The following GREB1L variants were observed in gnomAD, a reference collection of about 807,000 sequenced individuals.
GREB1L encodes GREB1-like protein.
GREB1L carries 17 observed loss-of-function variants against 200.8 expected under a neutral mutation model. That is an observed-to-expected ratio of 0.08 (90% CI 0.06 to 0.13). GREB1L has a LOEUF of 0.13. Ranked by LOEUF, GREB1L falls within the 10% of genes least tolerant of loss-of-function variation. The pLI is 1.00. For missense variants in GREB1L, 1,657 were observed against 2,367.7 expected, an observed-to-expected ratio of 0.70 and a Z score of 6.23; for synonymous variants, 789 against 893.0, an observed-to-expected ratio of 0.88 and a Z score of 2.08.
In GREB1L at chr18:21,525,709, G is replaced by GTGTC. The variant is rs1291488093; in HGVS notation, c.*2890_*2893dup. On this transcript the variant is annotated 3_prime_UTR_variant, in exon 33 of 33. Coordinates refer to ENST00000424526, the MANE Select transcript of GREB1L (RefSeq NM_001142966.3). ...TTAAAACTTCTCAAACTTTTTGAGA[G>GTGTC]TGTCTCAAAGTTGCTAGAACTATGT... Among the ~76,000 whole-genome samples, 2 of 152,200 alleles carry GTGTC rather than the reference G, an allele frequency of 1.3e-5. No individual in the cohort carries two copies. Among genetic ancestry groups the GTGTC allele is most frequent in the African/African-American group, 4.8e-5 (2 of 41,460 alleles).
intron 15 of GREB1L, among the ~76,000 whole-genome samples, chr18:21,458,548 CTGAAAGTAAAAGGA>C (rs1233214783): frequency 6.6e-6 from 1 of 152,134 alleles, no homozygotes; most frequent in East Asian, 1.9e-4. Context: ...GCCTGCATGG[CTGAAAGTAAAAGGA>C]TGAAAATAGA....
chr18:21,273,601 G>A (rs1184389472), intron 1 of GREB1L, among the ~76,000 whole-genome samples: 1 of 152,126 alleles, frequency 6.6e-6, no homozygotes, highest in Non-Finnish European at 1.5e-5. Context: ...TTGGGATGAG[G>A]GCTAGAAAAG....
At chr18:21,497,644 C>CA (rs1049875160) in intron 21 of GREB1L, among the ~76,000 whole-genome samples, 4 of 122,420 alleles carry the variant, frequency 3.3e-5, no homozygotes, top group South Asian at 2.6e-4. Context: ...AACTCTGTCT[C>CA]AAAAAAAAAG....
At chr18:21,257,516 A>G (rs73959822) in intron 1 of GREB1L, among the ~76,000 whole-genome samples, 1,564 of 152,274 alleles carry the variant, frequency 0.01, 30 homozygotes, top group African/African-American at 0.035. Flanking sequence ...GAGTCTGTAA[A>G]TGTGTGTCTG....
chr18:21,277,594 A>T (rs1259986580), intron 1 of GREB1L, among the ~76,000 whole-genome samples: 1 of 152,060 alleles, frequency 6.6e-6, no homozygotes, highest in African/African-American at 2.4e-5. Context: ...TGATTTGTAA[A>T]TCTCTAGTCC....
intron 1 of GREB1L, among the ~76,000 whole-genome samples, chr18:21,339,870 A>G (rs945360955): frequency 1.1e-4 from 16 of 152,220 alleles, no homozygotes; most frequent in Non-Finnish European, 2.1e-4. Flanking sequence ...AACCTACAAC[A>G]ATACAATTAT....
At chr18:21,424,162 A>G (rs777671432) in intron 7 of GREB1L, among the ~76,000 whole-genome samples, 1 of 152,176 alleles carries the variant, frequency 6.6e-6, no homozygotes, top group Non-Finnish European at 1.5e-5. Flanking sequence ...CGCTTACTAC[A>G]ATGTTTTTCT....
chr18:21,302,292 G>A (rs1235242858), intron 1 of GREB1L, among the ~76,000 whole-genome samples: 1 of 152,142 alleles, frequency 6.6e-6, no homozygotes, highest in African/African-American at 2.4e-5. Context: ...TGGAGGAGGT[G>A]GGGGTTCCAC....
intron 14 of GREB1L, among the ~76,000 whole-genome samples, chr18:21,452,785 A>G (rs1172992811): frequency 6.6e-6 from 1 of 152,224 alleles, no homozygotes; most frequent in African/African-American, 2.4e-5. Flanking sequence ...TTCTTCCCCA[A>G]TTCACTGATT....
intron 2 of GREB1L, among the ~76,000 whole-genome samples, chr18:21,369,451 G>A (rs2039791925): frequency 6.6e-6 from 1 of 152,098 alleles, no homozygotes; most frequent in Admixed American, 6.6e-5. Context: ...CTTGACAAGA[G>A]GTGTTTATTT....
intron 1 of GREB1L, among the ~76,000 whole-genome samples, chr18:21,254,972 A>G (rs1241048721): frequency 3.4e-4 from 51 of 152,158 alleles, no homozygotes; most frequent in Admixed American, 3.3e-3. Flanking sequence ...ACCATAACTG[A>G]TGTAGAATAT....
intron 30 of GREB1L, 121 bp downstream of exon 30, chr18:21,516,875 G>T (rs1194740587): frequency 8.7e-6 from 6 of 693,484 alleles, no homozygotes; most frequent in African/African-American, 3.7e-5. Context: ...TAACACAAGG[G>T]AGTTTTTTTT....
At chr18:21,257,037 A>T (rs1010721868) in intron 1 of GREB1L, among the ~76,000 whole-genome samples, 3 of 151,766 alleles carry the variant, frequency 2.0e-5, no homozygotes, top group Non-Finnish European at 4.4e-5. Flanking sequence ...ACTCTCAGGA[A>T]ATGTTAGTTA....
intron 15 of GREB1L, among the ~76,000 whole-genome samples, chr18:21,470,687 G>T (rs1444148572): frequency 6.6e-6 from 1 of 151,854 alleles, no homozygotes; most frequent in Non-Finnish European, 1.5e-5. Context: ...TTTCTTTGTA[G>T]TTATAAGCCA....
chr18:21,330,287 T>C (rs1392600909), intron 1 of GREB1L, among the ~76,000 whole-genome samples: 1 of 152,102 alleles, frequency 6.6e-6, no homozygotes, highest in Non-Finnish European at 1.5e-5. Context: ...AAACAAATAT[T>C]TTCACAGGGT....
rs35132178 is a variant in GREB1L at position 21,521,371 on chromosome 18, C to CA, written c.5608+562dup. On this transcript the variant is annotated intron_variant, in intron 32 of 32. Transcript: ENST00000424526. ...GGGCAACAACAGTGAAACTCCATCTCAAAAAAAAAAAAAAGAGAGACTGGC... is the reference window on the plus strand; with the variant it reads ...GGGCAACAACAGTGAAACTCCATCTCAAAAAAAAAAAAAAAGAGAGACTGGC... 4.3e-3 allele frequency among the ~76,000 whole-genome samples: 518 copies of CA among 120,828 alleles called. 3 individuals are homozygous for CA. Among genetic ancestry groups the CA allele is most frequent in the East Asian group, 8.3e-3 (34 of 4,106 alleles). 79.3% of individuals were successfully genotyped at this position (120,828 alleles called of 152,430 possible). A position where few individuals can be genotyped will look rare whatever the true frequency, so the allele number is the denominator to read the frequency against.
intron 5 of GREB1L, among the ~76,000 whole-genome samples, chr18:21,396,707 T>C (rs530214410): frequency 6.6e-6 from 1 of 152,348 alleles, no homozygotes; most frequent in African/African-American, 2.4e-5. Context: ...ATCTATATGA[T>C]ATAAAATGTA....
chr18:21,440,428 A>G (rs1378244523), intron 9 of GREB1L, 40 bp downstream of exon 9: 1 of 1,528,902 alleles, frequency 6.5e-7, no homozygotes, highest in Non-Finnish European at 8.9e-7. Flanking sequence ...GTGTGTTTTT[A>G]ATTAGCAGAG....
chr18:21,479,243 A>T (rs1231025956), intron 17 of GREB1L, among the ~76,000 whole-genome samples: 3 of 152,152 alleles, frequency 2.0e-5, no homozygotes, highest in African/African-American at 7.2e-5. Flanking sequence ...ATTTCGATAT[A>T]TTGGAGTGTA....
Sources: gnomAD v4.1 joint callset for allele counts (sites outside exome capture counted in the v4.1 genomes callset) on GRCh38, gnomAD v4.1.1 for gene constraint, MANE v1.5 for transcripts, NCBI Gene and HGNC (gene_info 2026-07-23, HGNC 2026-07-21) for gene names.